Variants in RIT2 observed in about 807,000 individuals in gnomAD.
The protein encoded by RIT2 is GTP-binding protein Rit2.
RIT2 carries 24 observed loss-of-function variants against 23.7 expected under a neutral mutation model. That is an observed-to-expected ratio of 1.01 (90% CI 0.73 to 1.43). The LOEUF (loss-of-function observed/expected upper bound fraction) is 1.43. Ranked by LOEUF, RIT2 falls within the 40% of genes most tolerant of loss-of-function variation. RIT2 has a pLI of 0.00. For missense variants in RIT2, 236 were observed against 266.9 expected, an observed-to-expected ratio of 0.88 and a Z score of 0.81; for synonymous variants, 107 against 91.1, an observed-to-expected ratio of 1.17 and a Z score of -0.99.
chr18:42,913,599 C>T (rs751797990), intron 4 of RIT2, among the ~76,000 whole-genome samples: 14 of 151,456 alleles, frequency 9.2e-5, no homozygotes, highest in Non-Finnish European at 1.3e-4. Context: ...TTATCTTAGG[C>T]GAAATAAGCC....
intron 1 of RIT2, among the ~76,000 whole-genome samples, chr18:43,046,363 G>T (rs1467470579): frequency 2.6e-5 from 4 of 152,138 alleles, no homozygotes; most frequent in African/African-American, 9.7e-5. Flanking sequence ...ATCACTTGTT[G>T]GTCCACTAGG....
In RIT2 at chr18:42,869,431, G is replaced by C. The variant is rs2144060984; in HGVS notation, c.426+54141C>G. On this transcript the variant is annotated intron_variant, in intron 4 of 4. Coordinates refer to ENST00000326695, the MANE Select transcript of RIT2 (RefSeq NM_002930.4). ...CATTGCCTGGGTTTTGGGGACCCCA[G>C]TTGTACATGACAGTATTTCAGTTCT... 2.6e-5 allele frequency among the ~76,000 whole-genome samples: 4 copies of C among 152,328 alleles called. 1 individual carries two copies. The South Asian group carries it at 8.3e-4, about 32-fold the overall frequency.
chr18:42,765,001 A>G (rs1913388059), intron 4 of RIT2, among the ~76,000 whole-genome samples: 2 of 152,196 alleles, frequency 1.3e-5, no homozygotes, highest in Admixed American at 6.5e-5. Context: ...GGCACTCAGT[A>G]TATCCTTCAT....
In RIT2 at chr18:42,954,769, C is replaced by A. The variant is rs111333078; in HGVS notation, c.234+19305G>T. Among the ~76,000 whole-genome samples the A allele has an allele frequency of 2.0e-5, 3 of 152,090 alleles. No homozygotes were observed. In the East Asian group the frequency reaches 5.8e-4, roughly 29 times the overall value. ...TATGTCCCTGATCTCCAGCCCATAC[C>A]GTGAATTTGTACTTTAAGACTTCTA... On this transcript the variant is annotated intron_variant, in intron 3 of 4. Coordinates refer to ENST00000326695, the MANE Select transcript of RIT2 (RefSeq NM_002930.4).
intron 4 of RIT2, among the ~76,000 whole-genome samples, chr18:42,790,953 G>A (rs981441081): frequency 6.6e-6 from 1 of 152,134 alleles, no homozygotes; most frequent in Non-Finnish European, 1.5e-5. Flanking sequence ...AGCTTCCTGG[G>A]TGATTCCATT....
At chr18:43,021,561 C>T (rs545636953) in intron 2 of RIT2, among the ~76,000 whole-genome samples, 1 of 152,158 alleles carries the variant, frequency 6.6e-6, no homozygotes, top group African/African-American at 2.4e-5. Context: ...GGTGGTTTCT[C>T]ATGAATGGTT....
At chr18:43,054,985 C>T (rs1464981103) in intron 1 of RIT2, among the ~76,000 whole-genome samples, 1 of 152,068 alleles carries the variant, frequency 6.6e-6, no homozygotes, top group Admixed American at 6.6e-5. Flanking sequence ...ATTGGATTCA[C>T]CTCGGTTACT....
intron 4 of RIT2, among the ~76,000 whole-genome samples, chr18:42,881,952 G>A (rs985561397): frequency 2.0e-5 from 3 of 152,116 alleles, no homozygotes; most frequent in Non-Finnish European, 4.4e-5. Context: ...AAACCACATT[G>A]CTCATTTAAA....
chr18:42,974,530 G>C (rs1314589922), intron 2 of RIT2, among the ~76,000 whole-genome samples: 1 of 151,952 alleles, frequency 6.6e-6, no homozygotes, highest in Non-Finnish European at 1.5e-5. Context: ...AAGATTCCCT[G>C]CTCTCACCTC....
chr18:43,106,406 A>T (rs1052366589), intron 1 of RIT2, among the ~76,000 whole-genome samples: 1 of 152,214 alleles, frequency 6.6e-6, no homozygotes, highest in Admixed American at 6.5e-5. Context: ...ATTTTCACAT[A>T]TACAAGAAAT....
At chr18:42,919,002 T>C (rs900510039) in intron 4 of RIT2, among the ~76,000 whole-genome samples, 1 of 152,116 alleles carries the variant, frequency 6.6e-6, no homozygotes, top group African/African-American at 2.4e-5. Context: ...TTGTTCAACA[T>C]GTAATTGTAT....
chr18:43,083,499 C>G (rs533602377), intron 1 of RIT2, among the ~76,000 whole-genome samples: 2 of 152,252 alleles, frequency 1.3e-5, no homozygotes, highest in South Asian at 4.1e-4. Context: ...GCTACAGTAA[C>G]CCAAACAGCG....
At chr18:42,983,892 CATGGACACATTGCTG>C (rs1910649984) in intron 2 of RIT2, among the ~76,000 whole-genome samples, 1 of 152,020 alleles carries the variant, frequency 6.6e-6, no homozygotes, top group Non-Finnish European at 1.5e-5. Context: ...AAAATTGGAT[CATGGACACATTGCTG>C]ATGGATACAC....
intron 3 of RIT2, among the ~76,000 whole-genome samples, chr18:42,960,713 A>AT (rs1463945417): frequency 6.6e-6 from 1 of 152,190 alleles, no homozygotes; most frequent in Non-Finnish European, 1.5e-5. Context: ...TCCTAACTAC[A>AT]TTTTATTAAC....
chr18:42,816,155 T>C (rs920202479), intron 4 of RIT2, among the ~76,000 whole-genome samples: 1 of 149,994 alleles, frequency 6.7e-6, no homozygotes, highest in Non-Finnish European at 1.5e-5. Context: ...AAAAAAAAAG[T>C]CTGATTTGTA....
chr18:42,889,830 T>G (rs1908123491), intron 4 of RIT2, among the ~76,000 whole-genome samples: 1 of 152,066 alleles, frequency 6.6e-6, no homozygotes, highest in African/African-American at 2.4e-5. Context: ...AGAAAGAACA[T>G]TAGTTTTTTT....
intron 4 of RIT2, among the ~76,000 whole-genome samples, chr18:42,917,281 G>A (rs1908935520): frequency 6.6e-6 from 1 of 152,058 alleles, no homozygotes; most frequent in African/African-American, 2.4e-5. Flanking sequence ...TCATCTGTTA[G>A]TTTCTGTATG....
At chr18:42,800,003 C>A (rs776352808) in intron 4 of RIT2, among the ~76,000 whole-genome samples, 12 of 152,136 alleles carry the variant, frequency 7.9e-5, no homozygotes, top group Non-Finnish European at 1.3e-4. Flanking sequence ...ACGAAGCTAT[C>A]GGCTCCATAA....
intron 4 of RIT2, among the ~76,000 whole-genome samples, chr18:42,867,334 T>A (rs1907498762): frequency 6.6e-6 from 1 of 152,138 alleles, no homozygotes; most frequent in South Asian, 2.1e-4. Context: ...AGCCTGGATT[T>A]GCTCTAAAAA....
Sources: gnomAD v4.1 joint callset for allele counts (sites outside exome capture counted in the v4.1 genomes callset) on GRCh38, gnomAD v4.1.1 for gene constraint, MANE v1.5 for transcripts, NCBI Gene and HGNC (gene_info 2026-07-23, HGNC 2026-07-21) for gene names.